The following GINM1 variants were observed in gnomAD, a reference collection of about 807,000 sequenced individuals.
The protein encoded by GINM1 is glycosylated integral membrane protein 1.
A neutral mutation model predicts 37.8 loss-of-function variants in GINM1; 29 were observed. The ratio of observed to expected loss-of-function variants is 0.77; its 90% confidence interval spans 0.57 to 1.05. The LOEUF is 1.05. Ranked by LOEUF, GINM1 falls within the 50% of genes least tolerant of loss-of-function variation. GINM1 has a pLI of 0.00. For missense variants in GINM1, 377 were observed against 397.9 expected (o/e 0.95, Z 0.45); for synonymous variants, 143 against 146.2 (o/e 0.98, Z 0.16).
chr6:149,566,442 G>C lies in GINM1; in HGVS notation c.28G>C (p.Ala10Pro), dbSNP rs774501814. 1.5e-5 allele frequency: 24 copies of C among 1,571,952 alleles called. No individual in the cohort carries two copies. Among genetic ancestry groups the C allele is most frequent in the Non-Finnish European group, 1.2e-5 (14 of 1,169,814 alleles). The change falls in exon 1 of 8, where the codon GCC becomes CCC. Residue 10 changes from alanine (A) to proline (P), a missense_variant. Physicochemically the swap from Ala to Pro is conservative, Grantham distance 27. Transcript: ENST00000367419. The surrounding 1 kb of genome is among the most constrained non-coding windows in gnomAD (Gnocchi z 4.4). ...GGAGGGCGCTCCACCGGGGTCGCTCGCCCTCCGGCTCCTGCTGTTCGTGGC... is the reference window on the plus strand; with the variant it reads ...GGAGGGCGCTCCACCGGGGTCGCTCCCCCTCCGGCTCCTGCTGTTCGTGGC... MEGAPPGSL[A>P]LRLLLFVALP...
At chr6:149,577,306 A>G (rs1472558370) in intron 3 of GINM1, 1 of 152,264 alleles carries the variant, frequency 6.6e-6, no homozygotes, top group African/African-American at 2.4e-5. Flanking sequence ...CTGTTCCACG[A>G]AGGAGACCCA....
intron 7 of GINM1, among the ~76,000 whole-genome samples, chr6:149,583,390 G>A (rs1401070298): frequency 1.3e-5 from 2 of 152,028 alleles, no homozygotes; most frequent in Non-Finnish European, 2.9e-5. Context: ...TTGAACCTGG[G>A]AGGCAGAGGT....
chr6:149,591,511 T>G lies in GINM1; in HGVS notation c.*673T>G, dbSNP rs2115065551. 6.6e-6 allele frequency: 1 copy of G among 152,260 alleles called. No homozygotes were observed. The highest frequency in any genetic ancestry group is 2.1e-4 in the South Asian group (1 of 4,830). 9.4% of individuals were successfully genotyped at this position (152,260 alleles called of 1,614,324 possible). A position where few individuals can be genotyped will look rare whatever the true frequency, so the allele number is the denominator to read the frequency against. ...AATTACTATAATATATAAGACTTTATGAAAAGCACTTTATAAAATTCTAAT... is the reference window on the plus strand; with the variant it reads ...AATTACTATAATATATAAGACTTTAGGAAAAGCACTTTATAAAATTCTAAT... On this transcript the variant is annotated 3_prime_UTR_variant, in exon 8 of 8. Coordinates refer to ENST00000367419, the MANE Select transcript of GINM1 (RefSeq NM_138785.5).
At chr6:149,572,429 A>G (rs1030797769) in intron 2 of GINM1, 78 bp from the exon 3 acceptor site, 9 of 1,256,450 alleles carry the variant, frequency 7.2e-6, no homozygotes, top group Non-Finnish European at 1.0e-5. Context: ...CGTCTCATTT[A>G]GTTAATCTTT....
At chr6:149,570,601 G>C (rs558724529) in intron 1 of GINM1, among the ~76,000 whole-genome samples, 35 of 152,080 alleles carry the variant, frequency 2.3e-4, no homozygotes, top group Non-Finnish European at 2.9e-4. Flanking sequence ...ATTATTCCTG[G>C]AATCAGCTCG....
At chr6:149,580,397 G>T (rs952542318) in intron 5 of GINM1, among the ~76,000 whole-genome samples, 196 bp from the exon 6 acceptor site, 9 of 152,188 alleles carry the variant, frequency 5.9e-5, no homozygotes, top group African/African-American at 2.2e-4. Flanking sequence ...AATCATAACT[G>T]CTTTAGCTCC....
chr6:149,577,240 A>G (rs1325171977), intron 3 of GINM1: 3 of 152,262 alleles, frequency 2.0e-5, no homozygotes, highest in Non-Finnish European at 2.9e-5. Context: ...TTTCTCACCC[A>G]TTGAGTCTCC....
chr6:149,567,745 A>G (rs937408226), intron 1 of GINM1, among the ~76,000 whole-genome samples: 17 of 152,362 alleles, frequency 1.1e-4, no homozygotes, highest in African/African-American at 4.1e-4. Context: ...AGGGCATTCC[A>G]AGAAGCCACG....
chr6:149,568,857 T>A (rs1777762874), intron 1 of GINM1, among the ~76,000 whole-genome samples: 1 of 152,026 alleles, frequency 6.6e-6, no homozygotes, highest in South Asian at 2.1e-4. Context: ...AGACGGAATA[T>A]CTCGCTCTGT....
intron 7 of GINM1, among the ~76,000 whole-genome samples, chr6:149,589,304 G>A (rs1410069498): frequency 1.3e-5 from 2 of 151,158 alleles, no homozygotes; most frequent in South Asian, 2.1e-4. Context: ...ACAGAGTCTC[G>A]CTTTGTTGCC....
chr6:149,579,049 AT>A (rs1777959382), intron 4 of GINM1, 76 bp downstream of exon 4: 1 of 907,010 alleles, frequency 1.1e-6, no homozygotes, highest in Non-Finnish European at 1.6e-6. Flanking sequence ...GTGTTCAGTT[AT>A]TTTATTTGTT....
chr6:149,575,461 T>C lies in GINM1; in HGVS notation c.277+2858T>C, dbSNP rs139309889. Among the ~76,000 whole-genome samples the C allele has an allele frequency of 3.0e-3, 458 of 152,368 alleles. 2 individuals carry two copies. Among genetic ancestry groups the C allele is most frequent in the African/African-American group, 0.01 (435 of 41,590 alleles). On this transcript the variant is annotated intron_variant, in intron 3 of 7. Transcript: ENST00000367419. The stretch of plus-strand genomic sequence containing the variant: ...ACTGCCAGACACTTTGTCGAGCTTT[T>C]TTGCCTCCTAGTCGTTGCTTTCTAC...
At chr6:149,579,805 A>G in intron 4 of GINM1, 29 bp from the exon 5 acceptor site, 1 of 1,432,274 alleles carries the variant, frequency 7.0e-7, no homozygotes, top group Non-Finnish European at 9.4e-7. Flanking sequence ...ACTATTTAAA[A>G]TAAAGAATAA....
At chr6:149,578,760 C>A (rs1777954189) in intron 3 of GINM1, 62 bp from the exon 4 acceptor site, 2 of 1,118,308 alleles carry the variant, frequency 1.8e-6, no homozygotes, top group Non-Finnish European at 1.3e-6. Flanking sequence ...AAAATAATCA[C>A]ACTCACTCAC....
chr6:149,574,996 T>C (rs1777892738), intron 3 of GINM1, among the ~76,000 whole-genome samples: 1 of 152,266 alleles, frequency 6.6e-6, no homozygotes, highest in African/African-American at 2.4e-5. Flanking sequence ...TTATATATTT[T>C]AACTCTTTGT....
chr6:149,581,717 A>G (rs1262369810), intron 6 of GINM1, among the ~76,000 whole-genome samples: 4 of 152,206 alleles, frequency 2.6e-5, no homozygotes, highest in African/African-American at 9.7e-5. Flanking sequence ...GAGTATCCCG[A>G]TATCTCTCTG....
intron 7 of GINM1, among the ~76,000 whole-genome samples, chr6:149,590,441 G>C (rs1304237842): frequency 6.6e-6 from 1 of 152,052 alleles, no homozygotes. Flanking sequence ...GCTCAGCCTG[G>C]GTGTATCTAG....
At chr6:149,567,626 G>A (rs148989925) in intron 1 of GINM1, among the ~76,000 whole-genome samples, 1 of 152,160 alleles carries the variant, frequency 6.6e-6, no homozygotes, top group Non-Finnish European at 1.5e-5. Context: ...GGGTGAGGGA[G>A]CTCAAAACAA....
intron 5 of GINM1, 140 bp from the exon 6 acceptor site, chr6:149,580,453 T>C (rs533026109): frequency 3.0e-6 from 2 of 674,718 alleles, no homozygotes; most frequent in East Asian, 2.8e-5. Context: ...TTTAAATCAG[T>C]GAACATTCAG....
Sources: gnomAD v4.1 joint callset for allele counts (sites outside exome capture counted in the v4.1 genomes callset) on GRCh38, gnomAD v4.1.1 for gene constraint, Gnocchi (gnomAD v3.1) non-coding constraint, MANE v1.5 for transcripts, NCBI Gene and HGNC (gene_info 2026-07-23, HGNC 2026-07-21) for gene names.